DPP10: variants seen among roughly 807,000 people sequenced by gnomAD.
DPP10 encodes dipeptidyl peptidase like 10.
In DPP10, 33 loss-of-function variants were observed where a neutral mutation model predicts 120.9. The observed-to-expected ratio is 0.27, with a 90% CI of 0.21 to 0.37. The LOEUF is 0.37. DPP10 is among the 10% of genes least tolerant of loss of function. DPP10 has a pLI of 1.00. For missense variants in DPP10, 816 were observed against 942.8 expected, an observed-to-expected ratio of 0.87 and a Z score of 1.76; for synonymous variants, 337 against 326.1, an observed-to-expected ratio of 1.03 and a Z score of -0.36.
intron 1 of DPP10, among the ~76,000 whole-genome samples, chr2:115,171,506 C>T (rs1360349999): frequency 2.0e-5 from 3 of 151,772 alleles, no homozygotes; most frequent in East Asian, 3.9e-4. Context: ...CTGTTGTTTC[C>T]TAAATGTCAC....
chr2:115,427,602 C>G (rs1169318806), intron 3 of DPP10, among the ~76,000 whole-genome samples: 10 of 152,152 alleles, frequency 6.6e-5, no homozygotes, highest in Admixed American at 2.0e-4. Context: ...CAGTAGCACT[C>G]TGGGCCTATT....
chr2:114,470,248 C>T (rs951593261), intron 1 of DPP10, among the ~76,000 whole-genome samples: 2 of 152,066 alleles, frequency 1.3e-5, no homozygotes, highest in African/African-American at 2.4e-5. Context: ...TTTAACTTGC[C>T]TACCTTTATT....
rs551396175 is a variant in DPP10 at position 115,226,099 on chromosome 2, C to T, written c.61-83140C>T. Among the ~76,000 whole-genome samples the T allele has an allele frequency of 2.6e-5, 4 of 152,218 alleles. No homozygotes were observed. The East Asian group carries it at 7.7e-4, about 29-fold the overall frequency. On this transcript the variant is annotated intron_variant, in intron 1 of 25. Coordinates refer to ENST00000410059, the MANE Select transcript of DPP10 (RefSeq NM_020868.6). ...TACTTTAACATACAGGCTGCACATG[C>T]TAAATGCTTGTCACTTAGAATGCTG...
At chr2:115,545,606 G>A (rs1370673551) in intron 5 of DPP10, among the ~76,000 whole-genome samples, 1 of 152,144 alleles carries the variant, frequency 6.6e-6, no homozygotes, top group African/African-American at 2.4e-5. Context: ...TGGTAGGAGA[G>A]TTGGGAAATA....
chr2:115,800,277 G>C (rs1218043453), intron 19 of DPP10, among the ~76,000 whole-genome samples: 3 of 151,498 alleles, frequency 2.0e-5, no homozygotes, highest in African/African-American at 7.3e-5. Context: ...CTTTTTGATG[G>C]GGTTGTTTGT....
At chr2:115,506,831 G>A (rs940507197) in intron 4 of DPP10, among the ~76,000 whole-genome samples, 3 of 152,042 alleles carry the variant, frequency 2.0e-5, no homozygotes, top group Non-Finnish European at 1.5e-5. Context: ...TGGAAAAGAG[G>A]AAAACTGTGA....
At chr2:114,691,009 TTAAA>T (rs1699706106) in intron 1 of DPP10, among the ~76,000 whole-genome samples, 1 of 151,924 alleles carries the variant, frequency 6.6e-6, no homozygotes, top group African/African-American at 2.4e-5. Flanking sequence ...CATGTCATCT[TTAAA>T]TAAAGATAAT....
chr2:115,569,736 A>G (rs2081231642), intron 5 of DPP10, among the ~76,000 whole-genome samples: 1 of 152,226 alleles, frequency 6.6e-6, no homozygotes, highest in African/African-American at 2.4e-5. Context: ...AGCCATGTGC[A>G]TACTGCATAA....
At chr2:115,046,005 T>A (rs1439361393) in intron 1 of DPP10, among the ~76,000 whole-genome samples, 1 of 6,610 alleles carries the variant, frequency 1.5e-4, no homozygotes, top group Non-Finnish European at 0.012. Context: ...GCTGTGTGTG[T>A]GTGTCTGTGT....
chr2:115,126,813 A>G (rs999032927), intron 1 of DPP10, among the ~76,000 whole-genome samples: 5 of 152,206 alleles, frequency 3.3e-5, no homozygotes, highest in African/African-American at 1.2e-4. Flanking sequence ...TCCCACTGCT[A>G]CAGAAGCACA....
chr2:114,834,372 A>C (rs1199115107), intron 1 of DPP10, among the ~76,000 whole-genome samples: 2 of 150,956 alleles, frequency 1.3e-5, no homozygotes, highest in Admixed American at 6.6e-5. Flanking sequence ...ATGTATATAA[A>C]AGACATATCT....
intron 1 of DPP10, among the ~76,000 whole-genome samples, chr2:114,644,178 G>A (rs919036376): frequency 8.0e-5 from 12 of 149,260 alleles, no homozygotes; most frequent in East Asian, 5.9e-4. Context: ...TCCTGACTTC[G>A]TGAACTGCCT....
chr2:115,224,772 A>G (rs1203363957), intron 1 of DPP10, among the ~76,000 whole-genome samples: 2 of 152,214 alleles, frequency 1.3e-5, no homozygotes, highest in Admixed American at 6.5e-5. Flanking sequence ...ATCATGTTAT[A>G]TACCATAAAT....
intron 1 of DPP10, among the ~76,000 whole-genome samples, chr2:114,739,856 T>A (rs1677849516): frequency 6.6e-6 from 1 of 152,110 alleles, no homozygotes; most frequent in African/African-American, 2.4e-5. Context: ...AGACTATCTC[T>A]TCTCAATACA....
intron 1 of DPP10, among the ~76,000 whole-genome samples, chr2:114,462,749 G>A (rs776894953): frequency 1.5e-4 from 23 of 152,130 alleles, no homozygotes; most frequent in Non-Finnish European, 2.4e-4. Flanking sequence ...AGTTGGCACC[G>A]CCTACCCTTA....
chr2:115,626,330 TTAAG>T (rs2085357176), intron 5 of DPP10, among the ~76,000 whole-genome samples: 1 of 152,012 alleles, frequency 6.6e-6, no homozygotes, highest in Admixed American at 6.6e-5. Flanking sequence ...AAATAATAAT[TTAAG>T]TAACTTTTAC....
At chr2:115,080,722 C>A (rs749380299) in intron 1 of DPP10, among the ~76,000 whole-genome samples, 1 of 152,074 alleles carries the variant, frequency 6.6e-6, no homozygotes, top group Admixed American at 6.6e-5. Flanking sequence ...CACATATTTC[C>A]ATCTTTTTTG....
intron 1 of DPP10, among the ~76,000 whole-genome samples, chr2:114,765,727 T>C (rs1016872661): frequency 6.6e-6 from 1 of 152,200 alleles, no homozygotes; most frequent in African/African-American, 2.4e-5. Context: ...CAGCTTACTG[T>C]GGTGCATTTA....
At chr2:115,421,243 A>G (rs1261582890) in intron 3 of DPP10, among the ~76,000 whole-genome samples, 3 of 152,204 alleles carry the variant, frequency 2.0e-5, no homozygotes, top group Non-Finnish European at 4.4e-5. Flanking sequence ...GTCCAGAAAT[A>G]TACAAATATA....
Sources: allele counts gnomAD v4.1 joint callset (sites outside exome capture counted in the v4.1 genomes callset), GRCh38; gene constraint gnomAD v4.1.1; transcripts MANE v1.5; gene names NCBI Gene and HGNC (gene_info 2026-07-23, HGNC 2026-07-21).